The following NELL1 variants were observed in gnomAD, a reference collection of about 807,000 sequenced individuals.
NELL1 encodes neural EGFL like 1.
Under a neutral mutation model 107.4 loss-of-function variants are expected in NELL1, and 76 were observed. That is an observed-to-expected ratio of 0.71 (90% CI 0.59 to 0.86). The LOEUF is 0.86. NELL1 is among the 40% of genes least tolerant of loss of function. The pLI, the probability that NELL1 is intolerant of heterozygous loss-of-function variation, is 0.00. For synonymous variants in NELL1, 353 were observed against 341.2 expected (o/e 1.03, Z -0.38); for missense variants, 1,024 against 1,005.5 (o/e 1.02, Z -0.25).
intron 12 of NELL1, among the ~76,000 whole-genome samples, chr11:21,019,381 A>G (rs1443182590): frequency 6.6e-6 from 1 of 152,104 alleles, no homozygotes; most frequent in Non-Finnish European, 1.5e-5. Context: ...GAAAGAATGC[A>G]CAAGTATATG....
chr11:20,956,223 C>G (rs1030805951), intron 11 of NELL1, among the ~76,000 whole-genome samples: 1 of 150,270 alleles, frequency 6.7e-6, no homozygotes, highest in South Asian at 2.1e-4. Context: ...CGTCTCAAAA[C>G]AAAACAAAAC....
chr11:21,473,782 A>G (rs1275054895), intron 15 of NELL1, among the ~76,000 whole-genome samples: 1 of 152,068 alleles, frequency 6.6e-6, no homozygotes, highest in Non-Finnish European at 1.5e-5. Flanking sequence ...ACCCCGTAGT[A>G]TATTGCAATA....
chr11:21,234,123 A>G (rs1858137664), intron 14 of NELL1, among the ~76,000 whole-genome samples: 1 of 152,242 alleles, frequency 6.6e-6, no homozygotes, highest in South Asian at 2.1e-4. Flanking sequence ...TGCATTAGTT[A>G]GGATTCCTTT....
At chr11:21,460,103 G>C (rs1458207522) in intron 15 of NELL1, among the ~76,000 whole-genome samples, 1 of 152,042 alleles carries the variant, frequency 6.6e-6, no homozygotes, top group Non-Finnish European at 1.5e-5. Flanking sequence ...ATGGGATAGG[G>C]GTTGTTTACT....
At chr11:21,455,515 G>A (rs1853705878) in intron 15 of NELL1, among the ~76,000 whole-genome samples, 1 of 151,508 alleles carries the variant, frequency 6.6e-6, no homozygotes, top group South Asian at 2.1e-4. Context: ...AAATGTTTTT[G>A]TATAGACAGA....
intron 12 of NELL1, among the ~76,000 whole-genome samples, chr11:21,045,788 T>C (rs1011045155): frequency 8.5e-5 from 13 of 152,174 alleles, no homozygotes; most frequent in African/African-American, 3.1e-4. Context: ...AACATATAAT[T>C]AAATTTCAGA....
intron 14 of NELL1, among the ~76,000 whole-genome samples, chr11:21,365,386 A>C (rs976488261): frequency 1.3e-5 from 2 of 152,142 alleles, no homozygotes; most frequent in Non-Finnish European, 1.5e-5. Flanking sequence ...TCGATAACTT[A>C]TTTAGCTTAT....
chr11:20,756,694 C>G (rs1246649489), intron 2 of NELL1, among the ~76,000 whole-genome samples: 1 of 151,510 alleles, frequency 6.6e-6, no homozygotes, highest in East Asian at 2.0e-4. Context: ...CTATCTTATG[C>G]TTTGTGCATT....
At chr11:21,116,969 C>T (rs769538328) in intron 13 of NELL1, among the ~76,000 whole-genome samples, 1 of 151,770 alleles carries the variant, frequency 6.6e-6, no homozygotes, top group African/African-American at 2.4e-5. Context: ...AATATATAAC[C>T]CTATATAGTT....
chr11:21,512,567 A>G (rs895195518), intron 15 of NELL1, among the ~76,000 whole-genome samples: 3 of 152,156 alleles, frequency 2.0e-5, no homozygotes, highest in African/African-American at 7.2e-5. Flanking sequence ...AGAGGGTCTA[A>G]TTCAACTTTG....
intron 7 of NELL1, among the ~76,000 whole-genome samples, chr11:20,924,222 T>A (rs1850441760): frequency 6.6e-6 from 1 of 152,240 alleles, no homozygotes; most frequent in South Asian, 2.1e-4. Context: ...CACAGTTGTT[T>A]GTCTCCTTTA....
chr11:20,942,571 A>G (rs1277174832), intron 10 of NELL1, among the ~76,000 whole-genome samples: 1 of 152,184 alleles, frequency 6.6e-6, no homozygotes, highest in East Asian at 1.9e-4. Context: ...GAGATAAAAC[A>G]CATGGAGAAC....
chr11:20,909,804 G>A (rs1176115083), intron 5 of NELL1, among the ~76,000 whole-genome samples: 9 of 151,888 alleles, frequency 5.9e-5, no homozygotes, highest in Non-Finnish European at 8.8e-5. Flanking sequence ...GTTTTCATTC[G>A]GTTGTTTGAA....
intron 5 of NELL1, 144 bp downstream of exon 5, chr11:20,885,684 G>T: frequency 1.7e-6 from 1 of 605,796 alleles, no homozygotes. Flanking sequence ...CACTTACTTT[G>T]TGACACATGC....
intron 2 of NELL1, among the ~76,000 whole-genome samples, chr11:20,755,865 GTTTTTTTTTTTTTTTTTTTTTTTTTTT>G (rs574606148): frequency 4.9e-5 from 6 of 122,084 alleles, no homozygotes; most frequent in African/African-American, 1.3e-4. Context: ...CAGACCTGCG[GTTTTTTTTTTTTTTTTTTTTTTTTTTT>G]TTTTTTTTTT....
chr11:21,160,860 A>G (rs1271630478), intron 13 of NELL1, among the ~76,000 whole-genome samples: 3 of 152,074 alleles, frequency 2.0e-5, no homozygotes, highest in Admixed American at 6.6e-5. Context: ...TACTCCCTGC[A>G]TGTAATACTG....
intron 5 of NELL1, among the ~76,000 whole-genome samples, chr11:20,906,890 C>A (rs1441044746): frequency 6.6e-6 from 1 of 152,052 alleles, no homozygotes; most frequent in Non-Finnish European, 1.5e-5. Context: ...TAGCATTATA[C>A]TCAATAGTGA....
At chr11:21,359,469 TTTG>T (rs1173240711) in intron 14 of NELL1, among the ~76,000 whole-genome samples, 1 of 152,216 alleles carries the variant, frequency 6.6e-6, no homozygotes, top group Non-Finnish European at 1.5e-5. Flanking sequence ...GTTTTGTTTT[TTTG>T]TTATGTCCTT....
At chr11:21,545,312 G>A (rs1366658546) in intron 16 of NELL1, among the ~76,000 whole-genome samples, 8 of 151,962 alleles carry the variant, frequency 5.3e-5, no homozygotes, top group Admixed American at 3.3e-4. Context: ...AGTCCCAGAA[G>A]CCTTTGGGGA....
Sources: allele counts gnomAD v4.1 joint callset (sites outside exome capture counted in the v4.1 genomes callset), GRCh38; gene constraint gnomAD v4.1.1; transcripts MANE v1.5; gene names NCBI Gene and HGNC (gene_info 2026-07-23, HGNC 2026-07-21).